The following SCARA5 variants were observed in gnomAD, a reference collection of about 807,000 sequenced individuals.
SCARA5 encodes the protein scavenger receptor class A, member 5 (putative).
In SCARA5, 45 loss-of-function variants were observed where a neutral mutation model predicts 46.3. That is an observed-to-expected ratio of 0.97 (90% CI 0.76 to 1.24). The LOEUF (loss-of-function observed/expected upper bound fraction) is 1.24, where lower values mean the gene tolerates loss of function less well. Ranked by LOEUF, SCARA5 falls within the 50% of genes most tolerant of loss-of-function variation. The pLI is 0.00. For synonymous variants in SCARA5, 333 were observed against 306.5 expected, an observed-to-expected ratio of 1.09 and a Z score of -0.90; for missense variants, 680 against 689.0, an observed-to-expected ratio of 0.99 and a Z score of 0.15.
At chr8:27,941,493 A>G (rs1413668421) in intron 3 of SCARA5, among the ~76,000 whole-genome samples, 1 of 152,206 alleles carries the variant, frequency 6.6e-6, no homozygotes, top group Non-Finnish European at 1.5e-5. Flanking sequence ...AGCACTTACT[A>G]CAGGCCCAGC....
At chr8:27,966,955 G>A (rs1808378765) in intron 2 of SCARA5, among the ~76,000 whole-genome samples, 3 of 152,220 alleles carry the variant, frequency 2.0e-5, no homozygotes, top group Admixed American at 2.0e-4. Context: ...TGGCTGGGAA[G>A]GTATGGGAAT....
rs551682487 is a variant in SCARA5 at position 27,898,710 on chromosome 8, G to A, written c.1153+6068C>T. On this transcript the variant is annotated intron_variant, in intron 7 of 8. Transcript: ENST00000354914. ...GAGTTTGGGTGGGATCGAAGGATGA[G>A]GTGCTGATTGTCAGGGAAATCAACC... Among the ~76,000 whole-genome samples, 6 of 152,316 alleles carry A rather than the reference G, an allele frequency of 3.9e-5. No homozygotes were observed. In the South Asian group the frequency reaches 1.0e-3, roughly 26 times the overall value.
intron 3 of SCARA5, among the ~76,000 whole-genome samples, chr8:27,954,412 C>G (rs765217460): frequency 6.6e-6 from 1 of 152,222 alleles, no homozygotes; most frequent in Admixed American, 6.5e-5. Context: ...AAATTCCCCT[C>G]CATCCTTTGC....
chr8:27,982,772 C>T (rs1808643504), intron 2 of SCARA5, among the ~76,000 whole-genome samples: 1 of 152,092 alleles, frequency 6.6e-6, no homozygotes, highest in South Asian at 2.1e-4. Context: ...GCTGGAGGAG[C>T]TGGGCAAGAT....
At chr8:27,894,111 C>T (rs1807025941) in intron 7 of SCARA5, among the ~76,000 whole-genome samples, 1 of 152,244 alleles carries the variant, frequency 6.6e-6, no homozygotes, top group Non-Finnish European at 1.5e-5. Context: ...CCGTCGTGCA[C>T]AGGCTGGGCA....
chr8:27,901,352 T>C (rs2129735581), intron 7 of SCARA5, among the ~76,000 whole-genome samples: 1 of 152,286 alleles, frequency 6.6e-6, no homozygotes, highest in East Asian at 1.9e-4. Flanking sequence ...GCCACCCTGG[T>C]TAGCGGCTCT....
At chr8:27,873,910 C>T (rs1806682614) in intron 8 of SCARA5, among the ~76,000 whole-genome samples, 2 of 152,016 alleles carry the variant, frequency 1.3e-5, no homozygotes, top group South Asian at 4.2e-4. Context: ...ATTGGCTGGG[C>T]GTGGTGGTGC....
intron 3 of SCARA5, among the ~76,000 whole-genome samples, chr8:27,925,079 T>C (rs578256013): frequency 2.0e-5 from 3 of 152,292 alleles, no homozygotes; most frequent in Admixed American, 1.3e-4. Context: ...AATTTATAGA[T>C]TCAATGCCAT....
At chr8:27,913,184 T>A (rs1236732907) in intron 4 of SCARA5, among the ~76,000 whole-genome samples, 1 of 152,134 alleles carries the variant, frequency 6.6e-6, no homozygotes, top group Non-Finnish European at 1.5e-5. Flanking sequence ...GTTTTAAACA[T>A]AACTATGTGG....
rs1806608275 is a variant in SCARA5, at chr8:27,869,913, C to T, written c.*2021G>A. ...ACATGTTTTTTGCTTTATTGAAATT[C>T]TTTCTTACAAAAGGTCTGATGTATT... On this transcript the variant is annotated 3_prime_UTR_variant, in exon 9 of 9. Coordinates refer to ENST00000354914, the MANE Select transcript of SCARA5 (RefSeq NM_173833.6). 1 of 152,332 alleles carries T rather than the reference C, an allele frequency of 6.6e-6. No homozygotes were observed. The highest frequency in any genetic ancestry group is 2.1e-4 in the South Asian group (1 of 4,830). 9.4% of individuals were successfully genotyped at this position (152,332 alleles called of 1,614,324 possible). A position where few individuals can be genotyped will look rare whatever the true frequency, so the allele number is the denominator to read the frequency against.
rs1239720116 is a variant in SCARA5 at position 27,922,100 on chromosome 8, C to G, written c.387G>C (p.Gln129His). ...ADLTEQVWKV[Q>H]DALQNQSDSL... ...AGTCTGACTGGTTCTGCAGCGCGTC[C>G]TGCACCTTCCACACCTGCTCCGTCA... Residue 129 changes from glutamine (Q) to histidine (H), a missense_variant, in exon 4 of 9, where the codon CAG becomes CAC. Gln to His is a conservative substitution (Grantham distance 24, BLOSUM62 0). Coordinates refer to ENST00000354914, the MANE Select transcript of SCARA5 (RefSeq NM_173833.6). 1.2e-6 allele frequency: 2 copies of G among 1,604,264 alleles called. No individual in the cohort carries two copies. The highest frequency in any genetic ancestry group is 1.7e-6 in the Non-Finnish European group (2 of 1,176,420).
chr8:27,949,338 C>T (rs1355171658), intron 3 of SCARA5, among the ~76,000 whole-genome samples: 1 of 152,230 alleles, frequency 6.6e-6, no homozygotes, highest in Non-Finnish European at 1.5e-5. Flanking sequence ...TAAATTTAAT[C>T]AGCAACTATT....
At chr8:27,953,404 GC>G (rs1391948716) in intron 3 of SCARA5, among the ~76,000 whole-genome samples, 11 of 152,358 alleles carry the variant, frequency 7.2e-5, no homozygotes, top group African/African-American at 1.9e-4. Context: ...GCTCTGTCCA[GC>G]CCCTCAGGTA....
chr8:27,941,605 T>C (rs945989999), intron 3 of SCARA5, among the ~76,000 whole-genome samples: 4 of 152,086 alleles, frequency 2.6e-5, no homozygotes, highest in Non-Finnish European at 1.5e-5. Flanking sequence ...ATTCAAACTC[T>C]CGGTGTTGTT....
intron 3 of SCARA5, among the ~76,000 whole-genome samples, chr8:27,963,283 CT>C (rs1187486768): frequency 2.6e-5 from 4 of 152,238 alleles, no homozygotes; most frequent in African/African-American, 9.6e-5. Flanking sequence ...TGAGGACCCC[CT>C]GGCCACACGA....
chr8:27,880,857 G>GAAAAAAAAAA (rs71222524), intron 7 of SCARA5, among the ~76,000 whole-genome samples: 1 of 94,820 alleles, frequency 1.1e-5, no homozygotes, highest in Non-Finnish European at 1.9e-5. Flanking sequence ...CCTGTCTAAG[G>GAAAAAAAAAA]AAAAAAAAAA....
At position 27,871,375 on chromosome 8, in the gene SCARA5, T is replaced by G; in HGVS notation, c.*559A>C. The G allele has an allele frequency of 2.1e-6, 2 of 950,328 alleles. No individual in the cohort carries two copies. The highest frequency in any genetic ancestry group is 2.5e-6 in the Non-Finnish European group (2 of 797,624). The allele number at this position is 950,328 out of a possible 1,614,324, so 58.9% of individuals were successfully genotyped here. A position where few individuals can be genotyped will look rare whatever the true frequency, so the allele number is the denominator to read the frequency against. ...GTGACTTGCATTTCCCTCTTGCCCCTACAGCTGGCTTCTCCTCTATGTCAC... is the reference window on the plus strand; with the variant it reads ...GTGACTTGCATTTCCCTCTTGCCCCGACAGCTGGCTTCTCCTCTATGTCAC... On this transcript the variant is annotated 3_prime_UTR_variant, in exon 9 of 9. Transcript: ENST00000354914.
At chr8:27,988,178 G>A (rs1808733338) in intron 1 of SCARA5, among the ~76,000 whole-genome samples, 1 of 152,194 alleles carries the variant, frequency 6.6e-6, no homozygotes, top group African/African-American at 2.4e-5. Context: ...AACGGGGCTG[G>A]CATGTTGGAA....
At chr8:27,975,363 G>A (rs1808506753) in intron 2 of SCARA5, among the ~76,000 whole-genome samples, 1 of 152,164 alleles carries the variant, frequency 6.6e-6, no homozygotes. Flanking sequence ...GTAAATGTGA[G>A]TAAAGTGTTT....
Sources: allele counts gnomAD v4.1 joint callset (sites outside exome capture counted in the v4.1 genomes callset), GRCh38; gene constraint gnomAD v4.1.1; transcripts MANE v1.5; gene names NCBI Gene and HGNC (gene_info 2026-07-23, HGNC 2026-07-21).